NRXN1: variants seen among roughly 807,000 people sequenced by gnomAD.
NRXN1 encodes neurexin-1.
Under a neutral mutation model 150.9 loss-of-function variants are expected in NRXN1, and 39 were observed. The ratio of observed to expected loss-of-function variants is 0.26; its 90% CI spans 0.20 to 0.34. The LOEUF (loss-of-function observed/expected upper bound fraction) is 0.34, where lower values mean the gene tolerates loss of function less well. Ranked by LOEUF, NRXN1 falls within the 10% of genes least tolerant of loss-of-function variation. The pLI is 1.00. For synonymous variants in NRXN1, 924 were observed against 757.0 expected (o/e 1.22, Z -3.62); for missense variants, 1,815 against 1,949.9 (o/e 0.93, Z 1.30).
At chr2:50,399,612 G>A (rs1306993111) in intron 17 of NRXN1, among the ~76,000 whole-genome samples, 1 of 151,572 alleles carries the variant, frequency 6.6e-6, no homozygotes, top group Non-Finnish European at 1.5e-5. Flanking sequence ...TTGTGTGCAT[G>A]GAGTTAGGCT....
Position 50,538,348 on chromosome 2 carries a change from T to G in NRXN1, c.2048A>C (p.Asn683Thr). Reference sequence around the variant, plus strand: ...GCACATGCCATTGTTTTTGCAAGGGTTGCTAAGGCACGGTTTTGCTGTTTC... The same window carrying G: ...GCACATGCCATTGTTTTTGCAAGGGGTGCTAAGGCACGGTTTTGCTGTTTC... Reference protein sequence around the residue: ...SKETAKPCLSNPCKNNGMCRD... With the variant: ...SKETAKPCLSTPCKNNGMCRD... Residue 683 changes from asparagine (N) to threonine (T), a missense_variant, in exon 10 of 23, where the codon AAC (asparagine) becomes ACC (threonine). By Grantham distance (65) the Asn-to-Thr change is moderately conservative (BLOSUM62 0). Coordinates refer to ENST00000401669, the MANE Select transcript of NRXN1 (RefSeq NM_001330078.2). 1 of 1,613,938 alleles carries G rather than the reference T, an allele frequency of 6.2e-7. No individual in the cohort carries two copies. The highest frequency in any genetic ancestry group is 1.1e-5 in the South Asian group (1 of 91,076).
chr2:50,103,599 G>C (rs1322927205), intron 18 of NRXN1, among the ~76,000 whole-genome samples: 1 of 151,940 alleles, frequency 6.6e-6, no homozygotes, highest in African/African-American at 2.4e-5. Context: ...ATGAGCATTT[G>C]CCCTGAAATT....
chr2:50,640,091 T>A (rs924631092), intron 5 of NRXN1, among the ~76,000 whole-genome samples: 1 of 152,174 alleles, frequency 6.6e-6, no homozygotes, highest in Non-Finnish European at 1.5e-5. Context: ...TATTCATAAG[T>A]TGTCAAATTA....
intron 8 of NRXN1, among the ~76,000 whole-genome samples, chr2:50,593,846 G>A (rs1437711011): frequency 6.6e-6 from 1 of 152,074 alleles, no homozygotes; most frequent in Non-Finnish European, 1.5e-5. Context: ...TTAAAGAAAA[G>A]TAACTATCAC....
chr2:49,921,797 T>C lies in NRXN1; in HGVS notation c.*147A>G. 2 of 851,968 alleles carry C rather than the reference T, an allele frequency of 2.3e-6. No individual in the cohort carries two copies. Among genetic ancestry groups the C allele is most frequent in the South Asian group, 1.9e-5 (1 of 51,320 alleles). The allele number at this position is 851,968 out of a possible 1,614,324, so 52.8% of individuals were successfully genotyped here. Reference sequence around the variant, plus strand: ...AAACAAGAGCATGAGATACTTGTTTTTATTTTTTAAAAAGTCTTTCCTTCC... The same window carrying C: ...AAACAAGAGCATGAGATACTTGTTTCTATTTTTTAAAAAGTCTTTCCTTCC... On this transcript the variant is annotated 3_prime_UTR_variant, in exon 23 of 23. Coordinates refer to ENST00000401669, the MANE Select transcript of NRXN1 (RefSeq NM_001330078.2).
intron 5 of NRXN1, among the ~76,000 whole-genome samples, chr2:50,792,596 T>C (rs1325985995): frequency 6.6e-6 from 1 of 152,062 alleles, no homozygotes; most frequent in Non-Finnish European, 1.5e-5. Context: ...GGGAGAAAGT[T>C]AAGCCTCAAA....
chr2:51,026,225 A>C (rs1249904284), intron 2 of NRXN1: 5 of 640,610 alleles, frequency 7.8e-6, no homozygotes, highest in African/African-American at 7.3e-5. Flanking sequence ...ATCAGATTTA[A>C]TAATTCACCT....
chr2:50,427,390 T>C (rs2084583458), intron 17 of NRXN1, among the ~76,000 whole-genome samples: 1 of 151,762 alleles, frequency 6.6e-6, no homozygotes, highest in African/African-American at 2.4e-5. Flanking sequence ...CCCATAACAT[T>C]CTGACAACTC....
intron 21 of NRXN1, among the ~76,000 whole-genome samples, chr2:50,043,662 G>A (rs1365220780): frequency 6.6e-6 from 1 of 152,158 alleles, no homozygotes; most frequent in African/African-American, 2.4e-5. Context: ...GCTTGGAGGT[G>A]TAGAAAATAT....
chr2:50,688,316 T>G (rs907891243), intron 5 of NRXN1, among the ~76,000 whole-genome samples: 12 of 152,214 alleles, frequency 7.9e-5, no homozygotes, highest in African/African-American at 2.9e-4. Flanking sequence ...TGTTAAAACA[T>G]AGGCTCATGT....
chr2:50,686,402 T>C (rs1273236334), intron 5 of NRXN1, among the ~76,000 whole-genome samples: 5 of 152,046 alleles, frequency 3.3e-5, no homozygotes, highest in African/African-American at 9.7e-5. Context: ...AGGGGCTACT[T>C]TGGAGGGAAA....
rs188893289 is a variant in NRXN1 at position 49,931,726 on chromosome 2, T to C, written c.4217-9475A>G. The stretch of plus-strand genomic sequence containing the variant: ...ATGTTTTTCCTCAAAATGTATTACA[T>C]TCCAGAAAAATGCAAGAAGAGTTAT... On this transcript the variant is annotated intron_variant, in intron 22 of 22. Coordinates refer to ENST00000401669, the MANE Select transcript of NRXN1 (RefSeq NM_001330078.2). Among the ~76,000 whole-genome samples the C allele has an allele frequency of 1.1e-4, 17 of 152,236 alleles. No individual in the cohort carries two copies. The East Asian group carries it at 3.1e-3, about 28-fold the overall frequency.
At chr2:50,978,383 TAAC>T (rs1232862957) in intron 2 of NRXN1, among the ~76,000 whole-genome samples, 1 of 148,440 alleles carries the variant, frequency 6.7e-6, no homozygotes, top group Admixed American at 6.8e-5. Context: ...CAATTCTTAA[TAAC>T]AACAAATATA....
intron 18 of NRXN1, among the ~76,000 whole-genome samples, chr2:50,130,318 A>G (rs1705283501): frequency 6.6e-6 from 1 of 152,124 alleles, no homozygotes; most frequent in Non-Finnish European, 1.5e-5. Context: ...CAGACAAACA[A>G]GCAGGGGGCA....
intron 5 of NRXN1, among the ~76,000 whole-genome samples, chr2:50,701,546 T>G (rs1183855645): frequency 6.6e-6 from 1 of 152,176 alleles, no homozygotes; most frequent in Non-Finnish European, 1.5e-5. Context: ...ATTTCTATCA[T>G]ACCTTATTAC....
chr2:50,640,621 C>T (rs1018955227), intron 5 of NRXN1, among the ~76,000 whole-genome samples: 15 of 152,212 alleles, frequency 9.9e-5, no homozygotes, highest in Non-Finnish European at 2.2e-4. Context: ...AATGAATATG[C>T]AATCCCAGAA....
intron 5 of NRXN1, among the ~76,000 whole-genome samples, chr2:50,910,447 T>C (rs1416352219): frequency 6.6e-6 from 1 of 151,988 alleles, no homozygotes; most frequent in African/African-American, 2.4e-5. Context: ...GCCAGATAAC[T>C]TTCCCAAAGC....
intron 17 of NRXN1, among the ~76,000 whole-genome samples, chr2:50,426,930 C>T (rs2084543065): frequency 6.6e-6 from 1 of 152,098 alleles, no homozygotes; most frequent in South Asian, 2.1e-4. Context: ...ACACTGACAG[C>T]ACTTAATGTA....
In NRXN1 at chr2:51,003,942, T is replaced by C. The variant is rs539318491; in HGVS notation, c.772+23560A>G. ...TTAGCACATTAAGGCTCTCTTTTCA[T>C]AGACCTGCAGAAAACCGGTTTTACT... is the stretch of plus-strand genomic sequence containing the variant. On this transcript the variant is annotated intron_variant, in intron 2 of 22. Transcript: ENST00000401669. 1.4e-4 allele frequency among the ~76,000 whole-genome samples: 22 copies of C among 152,010 alleles called. 1 individual carries two copies. The East Asian group carries it at 3.7e-3, about 26-fold the overall frequency.
Sources: gnomAD v4.1 joint callset for allele counts (sites outside exome capture counted in the v4.1 genomes callset) on GRCh38, gnomAD v4.1.1 for gene constraint, MANE v1.5 for transcripts, NCBI Gene and HGNC (gene_info 2026-07-23, HGNC 2026-07-21) for gene names.